Variants in GRIN2A observed in about 807,000 individuals in gnomAD.
GRIN2A encodes the protein glutamate ionotropic receptor NMDA type subunit 2A.
In GRIN2A, 22 loss-of-function variants were observed where a neutral mutation model predicts 113.4. The observed-to-expected ratio is 0.19, with a 90% confidence interval of 0.14 to 0.28. GRIN2A has a LOEUF of 0.28. GRIN2A is among the 10% of genes least tolerant of loss of function. The probability of loss-of-function intolerance (pLI) is 1.00; values close to 1 mark genes in which losing one functional copy is unlikely to be tolerated. For synonymous variants in GRIN2A, 827 were observed against 738.4 expected (o/e 1.12, Z -1.94); for missense variants, 1,502 against 1,887.0 (o/e 0.80, Z 3.78).
chr16:9,863,724 T>C (rs944534548), intron 4 of GRIN2A, among the ~76,000 whole-genome samples: 27 of 152,238 alleles, frequency 1.8e-4, no homozygotes, highest in African/African-American at 5.3e-4. Flanking sequence ...CCATCCATTA[T>C]GTAAGGGGCC....
intron 9 of GRIN2A, among the ~76,000 whole-genome samples, chr16:9,828,758 T>C (rs9938300): frequency 0.29 from 43,665 of 152,006 alleles, 6,629 homozygotes; most frequent in African/African-American, 0.38. Flanking sequence ...TTTACTCCTG[T>C]CTTACTGATG....
intron 11 of GRIN2A, among the ~76,000 whole-genome samples, chr16:9,778,657 T>A (rs545393013): frequency 2.3e-4 from 35 of 152,338 alleles, no homozygotes; most frequent in Admixed American, 2.1e-3. Context: ...GAAGTAAATC[T>A]GGGTGTTTAC....
intron 2 of GRIN2A, among the ~76,000 whole-genome samples, chr16:10,062,089 G>C (rs1032313137): frequency 6.6e-6 from 1 of 152,194 alleles, no homozygotes; most frequent in Admixed American, 6.5e-5. Context: ...ATGAATGGCT[G>C]AACTGGGATG....
rs1252809074 is a variant in GRIN2A, at chr16:9,760,962, C to T, written c.*2187G>A. ...GATGTTGGGGTGACTATTCTGGGCC[C>T]TTCGATCCAGGCTTCTCCATGGCTG... On this transcript the variant is annotated 3_prime_UTR_variant, in exon 13 of 13. Coordinates refer to ENST00000330684, the MANE Select transcript of GRIN2A (RefSeq NM_001134407.3). The T allele has an allele frequency of 2.2e-5, 5 of 232,220 alleles. No individual in the cohort carries two copies. Among genetic ancestry groups the T allele is most frequent in the Non-Finnish European group, 3.4e-5 (4 of 117,522 alleles). The allele number at this position is 232,220 out of a possible 1,614,324, so 14.4% of individuals were successfully genotyped here.
intron 2 of GRIN2A, among the ~76,000 whole-genome samples, chr16:10,057,008 C>T (rs1487910424): frequency 6.6e-6 from 1 of 152,012 alleles, no homozygotes; most frequent in African/African-American, 2.4e-5. Context: ...AACCCTCCAC[C>T]CCTCCAGCCT....
chr16:10,127,707 TGATG>T (rs1348538419), intron 2 of GRIN2A, among the ~76,000 whole-genome samples: 1 of 152,166 alleles, frequency 6.6e-6, no homozygotes, highest in Admixed American at 6.5e-5. Context: ...TTTGTGGAAT[TGATG>T]GATGAATTCA....
At chr16:9,944,968 C>T (rs563461401) in intron 2 of GRIN2A, among the ~76,000 whole-genome samples, 1 of 151,996 alleles carries the variant, frequency 6.6e-6, no homozygotes, top group African/African-American at 2.4e-5. Context: ...AGTGAAGGAC[C>T]CTGATTCCAT....
intron 4 of GRIN2A, among the ~76,000 whole-genome samples, chr16:9,855,230 C>T (rs538692109): frequency 2.6e-5 from 4 of 152,252 alleles, no homozygotes; most frequent in East Asian, 3.9e-4. Context: ...CTTGAACAAG[C>T]CACATAATCT....
At chr16:10,001,370 A>G (rs1472881399) in intron 2 of GRIN2A, among the ~76,000 whole-genome samples, 1 of 152,210 alleles carries the variant, frequency 6.6e-6, no homozygotes, top group East Asian at 1.9e-4. Context: ...AATTCAAACC[A>G]TCTTAAACAA....
chr16:9,908,892 C>G (rs1490222387), intron 3 of GRIN2A, among the ~76,000 whole-genome samples: 1 of 152,166 alleles, frequency 6.6e-6, no homozygotes, highest in Non-Finnish European at 1.5e-5. Context: ...GAAAGTAGGT[C>G]AGTTTCAGAG....
Position 9,764,403 on chromosome 16 carries a change from C to T in GRIN2A, c.3141G>A (p.Lys1047=). 1.9e-6 allele frequency: 3 copies of T among 1,614,096 alleles called. No individual in the cohort carries two copies. The highest frequency in any genetic ancestry group is 1.7e-6 in the Non-Finnish European group (2 of 1,180,012). Residue 1047 remains lysine, a synonymous_variant, in exon 13 of 13, where the codon AAG becomes AAA. Transcript: ENST00000330684. Reference sequence around the variant, plus strand: ...TCTCTTCTGGAAGATACCTAGGGCTCTTTAGGGAGTGGGTCCTATTCTCTG... The same window carrying T: ...TCTCTTCTGGAAGATACCTAGGGCTTTTTAGGGAGTGGGTCCTATTCTCTG... ...ATAENRTHSL[K]SPRYLPEEMA...
intron 4 of GRIN2A, among the ~76,000 whole-genome samples, chr16:9,875,109 C>CCAG (rs1247375453): frequency 0.08 from 12,115 of 151,556 alleles, 665 homozygotes; most frequent in Middle Eastern, 0.18. Context: ...AATTATCTTG[C>CCAG]CTCAGTCCCC....
At chr16:10,083,405 G>A (rs1875342659) in intron 2 of GRIN2A, among the ~76,000 whole-genome samples, 1 of 152,216 alleles carries the variant, frequency 6.6e-6, no homozygotes, top group Non-Finnish European at 1.5e-5. Flanking sequence ...TTTAAATGGT[G>A]ACCTTTGAGT....
At chr16:10,091,329 C>G (rs2048179596) in intron 2 of GRIN2A, among the ~76,000 whole-genome samples, 3 of 152,086 alleles carry the variant, frequency 2.0e-5, no homozygotes. Flanking sequence ...AAAATGTTGG[C>G]TGGGCGCAGT....
intron 2 of GRIN2A, among the ~76,000 whole-genome samples, chr16:9,940,980 G>C (rs982796169): frequency 1.3e-5 from 2 of 152,166 alleles, no homozygotes; most frequent in Non-Finnish European, 2.9e-5. Flanking sequence ...CTCTTGGGAT[G>C]GGGCAAAAAT....
intron 2 of GRIN2A, among the ~76,000 whole-genome samples, chr16:10,157,989 T>C (rs1567339408): frequency 6.6e-6 from 1 of 152,010 alleles, no homozygotes; most frequent in Non-Finnish European, 1.5e-5. Context: ...TTTTAAACTA[T>C]ATTTATTTTT....
chr16:9,935,392 G>A (rs191705737), intron 3 of GRIN2A, among the ~76,000 whole-genome samples: 1 of 152,238 alleles, frequency 6.6e-6, no homozygotes, highest in East Asian at 1.9e-4. Context: ...GTAGAAACAG[G>A]ATTACTAAAG....
At chr16:9,772,181 C>T (rs1369153134) in intron 11 of GRIN2A, among the ~76,000 whole-genome samples, 1 of 152,148 alleles carries the variant, frequency 6.6e-6, no homozygotes, top group East Asian at 1.9e-4. Context: ...TGCTTTCGCA[C>T]AGTCACAAAG....
At chr16:10,177,845 C>T (rs1213758457) in intron 2 of GRIN2A, among the ~76,000 whole-genome samples, 2 of 152,118 alleles carry the variant, frequency 1.3e-5, no homozygotes, top group African/African-American at 4.8e-5. Flanking sequence ...AAGGGGGTTC[C>T]CTTCCATGAC....
Sources: gnomAD v4.1 joint callset for allele counts (sites outside exome capture counted in the v4.1 genomes callset) on GRCh38, gnomAD v4.1.1 for gene constraint, MANE v1.5 for transcripts, NCBI Gene and HGNC (gene_info 2026-07-23, HGNC 2026-07-21) for gene names.